Variants in UNC5C observed in about 807,000 individuals in gnomAD.
UNC5C encodes unc-5 netrin receptor C.
In UNC5C, 47 loss-of-function variants were observed where a neutral mutation model predicts 99.8. That is an observed-to-expected ratio of 0.47 (90% CI 0.37 to 0.60). The LOEUF is 0.60. Among genes scored for constraint, UNC5C ranks in the 20% least tolerant of loss-of-function variants. The pLI, the probability that UNC5C is intolerant of heterozygous loss-of-function variation, is 0.00. For synonymous variants in UNC5C, 487 were observed against 452.2 expected, an observed-to-expected ratio of 1.08 and a Z score of -0.98; for missense variants, 1,062 against 1,165.9, an observed-to-expected ratio of 0.91 and a Z score of 1.30.
intron 1 of UNC5C, among the ~76,000 whole-genome samples, chr4:95,520,880 T>C (rs1722336997): frequency 6.6e-6 from 1 of 152,068 alleles, no homozygotes; most frequent in South Asian, 2.1e-4. Flanking sequence ...ATTACAAGCG[T>C]GAGCCACCGC....
chr4:95,223,252 T>A (rs1016743301), intron 7 of UNC5C, among the ~76,000 whole-genome samples: 2 of 152,230 alleles, frequency 1.3e-5, no homozygotes, highest in African/African-American at 4.8e-5. Context: ...GATTTACTAT[T>A]CTGCTACATA....
chr4:95,338,584 C>T (rs964642588), intron 1 of UNC5C, among the ~76,000 whole-genome samples: 4 of 151,930 alleles, frequency 2.6e-5, no homozygotes, highest in African/African-American at 9.7e-5. Context: ...AAGACTATTA[C>T]CAATTTTCAA....
intron 7 of UNC5C, among the ~76,000 whole-genome samples, chr4:95,223,897 A>T (rs1176403668): frequency 6.6e-6 from 1 of 152,238 alleles, no homozygotes; most frequent in Non-Finnish European, 1.5e-5. Context: ...AAGAATGTCA[A>T]AAGACTTATT....
intron 14 of UNC5C, among the ~76,000 whole-genome samples, chr4:95,174,256 A>T (rs1169359295): frequency 6.6e-6 from 1 of 150,634 alleles, no homozygotes; most frequent in African/African-American, 2.4e-5. Flanking sequence ...TTCTGCTCTG[A>T]TTTTAGTTAT....
chr4:95,262,505 C>T (rs1421910690), intron 4 of UNC5C, among the ~76,000 whole-genome samples: 1 of 152,106 alleles, frequency 6.6e-6, no homozygotes, highest in African/African-American at 2.4e-5. Context: ...AAATGAGCTA[C>T]CTAGACAGGC....
At chr4:95,297,878 TC>T (rs1328962758) in intron 3 of UNC5C, among the ~76,000 whole-genome samples, 1 of 152,230 alleles carries the variant, frequency 6.6e-6, no homozygotes, top group Non-Finnish European at 1.5e-5. Flanking sequence ...TCATCACTGG[TC>T]TTCCTGCTTC....
chr4:95,389,623 G>C (rs1297846758), intron 1 of UNC5C, among the ~76,000 whole-genome samples: 1 of 151,594 alleles, frequency 6.6e-6, no homozygotes, highest in Admixed American at 6.6e-5. Flanking sequence ...TCTGTTATTG[G>C]AATAATTTTA....
At chr4:95,225,200 G>A (rs1396455746) in intron 7 of UNC5C, among the ~76,000 whole-genome samples, 1 of 152,130 alleles carries the variant, frequency 6.6e-6, no homozygotes, top group African/African-American at 2.4e-5. Context: ...GGGATTACAG[G>A]TGTGCACCAC....
chr4:95,244,742 A>G (rs539298034), intron 6 of UNC5C, among the ~76,000 whole-genome samples: 5 of 152,330 alleles, frequency 3.3e-5, no homozygotes, highest in African/African-American at 1.2e-4. Context: ...AAGGGATTAT[A>G]TCCAGTAGTG....
intron 2 of UNC5C, among the ~76,000 whole-genome samples, chr4:95,326,861 T>C (rs896003723): frequency 3.9e-5 from 6 of 152,222 alleles, no homozygotes; most frequent in African/African-American, 1.4e-4. Context: ...TTACCTTTGA[T>C]AGATATTTTA....
chr4:95,526,281 T>A (rs1722496008), intron 1 of UNC5C, among the ~76,000 whole-genome samples: 1 of 152,066 alleles, frequency 6.6e-6, no homozygotes, highest in African/African-American at 2.4e-5. Flanking sequence ...TAACTTTCCC[T>A]TTCCTGCACA....
chr4:95,221,931 C>A (rs1049271070), intron 7 of UNC5C, among the ~76,000 whole-genome samples: 16 of 152,100 alleles, frequency 1.1e-4, no homozygotes, highest in African/African-American at 2.9e-4. Flanking sequence ...GTATTTGAAC[C>A]CTGCCCTTTA....
chr4:95,465,940 C>A (rs1747762151), intron 1 of UNC5C, among the ~76,000 whole-genome samples: 1 of 152,068 alleles, frequency 6.6e-6, no homozygotes. Context: ...GATTTTCTGC[C>A]CATTATCTTA....
chr4:95,179,484 C>T (rs932867797), intron 14 of UNC5C, among the ~76,000 whole-genome samples: 1 of 152,086 alleles, frequency 6.6e-6, no homozygotes. Flanking sequence ...TGGTGGCTCA[C>T]GCCTATAATC....
At chr4:95,303,789 ATG>A (rs973180802) in intron 2 of UNC5C, among the ~76,000 whole-genome samples, 1 of 148,708 alleles carries the variant, frequency 6.7e-6, no homozygotes, top group African/African-American at 2.6e-5. Flanking sequence ...TAAAATAGAT[ATG>A]TGTGTATGTG....
rs150278001 is a variant in UNC5C, at chr4:95,200,864, C to T, written c.2136+1867G>A. ...TCACTGTTATGGAGTGATATCTGTGCCCCCCCCAAATTCATACGTTGTAAT... is the reference window on the plus strand; with the variant it reads ...TCACTGTTATGGAGTGATATCTGTGTCCCCCCCAAATTCATACGTTGTAAT... On this transcript the variant is annotated intron_variant, in intron 12 of 15. Transcript: ENST00000453304. 4.6e-5 allele frequency among the ~76,000 whole-genome samples: 7 copies of T among 150,566 alleles called. No homozygotes were observed. In the East Asian group the frequency reaches 1.2e-3, roughly 25 times the overall value.
intron 1 of UNC5C, among the ~76,000 whole-genome samples, chr4:95,337,541 C>CA (rs1444857084): frequency 1.3e-5 from 2 of 151,750 alleles, no homozygotes; most frequent in Non-Finnish European, 2.9e-5. Context: ...CAAATGGAAG[C>CA]AAAAAAGTCA....
At chr4:95,363,652 A>T (rs549748840) in intron 1 of UNC5C, among the ~76,000 whole-genome samples, 4 of 152,310 alleles carry the variant, frequency 2.6e-5, no homozygotes, top group African/African-American at 7.2e-5. Flanking sequence ...CTTCTGAAAC[A>T]GTGCCAAGTT....
intron 4 of UNC5C, among the ~76,000 whole-genome samples, chr4:95,267,196 A>G (rs1380687357): frequency 6.6e-6 from 1 of 152,222 alleles, no homozygotes; most frequent in Non-Finnish European, 1.5e-5. Context: ...AAAAAAGGAC[A>G]ACTATGGCCT....
Sources: gnomAD v4.1 joint callset for allele counts (sites outside exome capture counted in the v4.1 genomes callset) on GRCh38, gnomAD v4.1.1 for gene constraint, MANE v1.5 for transcripts, NCBI Gene and HGNC (gene_info 2026-07-23, HGNC 2026-07-21) for gene names.